The following NELL1 variants were observed in gnomAD, a reference collection of about 807,000 sequenced individuals.
NELL1 encodes the protein neural EGFL like 1.
In NELL1, 76 loss-of-function variants were observed where a neutral mutation model predicts 107.4. The observed-to-expected ratio is 0.71, with a 90% confidence interval of 0.59 to 0.86. The LOEUF is 0.86. NELL1 is among the 40% of genes least tolerant of loss of function. NELL1 has a pLI of 0.00. For synonymous variants in NELL1, 353 were observed against 341.2 expected (o/e 1.03, Z -0.38); for missense variants, 1,024 against 1,005.5 (o/e 1.02, Z -0.25).
At chr11:21,507,440 A>T (rs79670956) in intron 15 of NELL1, among the ~76,000 whole-genome samples, 26,863 of 152,180 alleles carry the variant, frequency 0.18, 2,457 homozygotes, top group East Asian at 0.28. Flanking sequence ...TCATTTAAAG[A>T]CTTTAAATAA....
chr11:21,241,904 A>ATTTTT (rs10652603), intron 14 of NELL1, among the ~76,000 whole-genome samples: 31 of 134,158 alleles, frequency 2.3e-4, no homozygotes, highest in African/African-American at 7.2e-4. Context: ...GTCTGTTTCT[A>ATTTTT]TTTTTTTTTT....
At chr11:20,906,241 C>A (rs1849994852) in intron 5 of NELL1, among the ~76,000 whole-genome samples, 1 of 151,964 alleles carries the variant, frequency 6.6e-6, no homozygotes, top group Non-Finnish European at 1.5e-5. Context: ...ATGAAATGGA[C>A]AAATTCCTAG....
chr11:21,531,871 G>C (rs969345993), intron 15 of NELL1, among the ~76,000 whole-genome samples: 4 of 152,118 alleles, frequency 2.6e-5, no homozygotes, highest in African/African-American at 9.7e-5. Flanking sequence ...ATTCCCCAAA[G>C]TGTTGCTGAA....
intron 14 of NELL1, among the ~76,000 whole-genome samples, chr11:21,363,013 C>T (rs1851121013): frequency 6.6e-6 from 1 of 151,450 alleles, no homozygotes; most frequent in South Asian, 2.1e-4. Flanking sequence ...ACCAGTCTCA[C>T]TCCCGCAGTG....
At chr11:21,184,742 AACG>A (rs1856897141) in intron 13 of NELL1, among the ~76,000 whole-genome samples, 1 of 136,822 alleles carries the variant, frequency 7.3e-6, no homozygotes, top group African/African-American at 2.7e-5. Context: ...CTCTGTTTTT[AACG>A]AGGAGTTTTG....
At chr11:20,764,641 G>T (rs1437562297) in intron 2 of NELL1, among the ~76,000 whole-genome samples, 11 of 150,150 alleles carry the variant, frequency 7.3e-5, no homozygotes, top group African/African-American at 2.5e-4. Flanking sequence ...CTCTCAGGGT[G>T]CAGACTGAAA....
intron 14 of NELL1, among the ~76,000 whole-genome samples, chr11:21,285,681 C>CCA (rs1484529593): frequency 6.6e-6 from 1 of 152,140 alleles, no homozygotes. Flanking sequence ...GGCACTAGAC[C>CCA]CACAACATTT....
chr11:21,441,844 T>C (rs1853293765), intron 15 of NELL1, among the ~76,000 whole-genome samples: 1 of 152,224 alleles, frequency 6.6e-6, no homozygotes, highest in Non-Finnish European at 1.5e-5. Context: ...ACCTTGTTTC[T>C]TTCATGGATA....
intron 15 of NELL1, among the ~76,000 whole-genome samples, chr11:21,406,428 T>A (rs1356809281): frequency 1.3e-5 from 2 of 152,008 alleles, no homozygotes; most frequent in East Asian, 3.9e-4. Flanking sequence ...AAGAAGTAGA[T>A]TACTGAATGA....
At chr11:21,325,916 C>T (rs750718096) in intron 14 of NELL1, among the ~76,000 whole-genome samples, 14 of 151,666 alleles carry the variant, frequency 9.2e-5, no homozygotes, top group Non-Finnish European at 1.6e-4. Context: ...TTCTTTCATC[C>T]AGTATGTTTT....
At chr11:20,702,294 G>A (rs2133882899) in intron 2 of NELL1, among the ~76,000 whole-genome samples, 1 of 152,288 alleles carries the variant, frequency 6.6e-6, no homozygotes, top group East Asian at 1.9e-4. Flanking sequence ...GTTCACTCAT[G>A]ATTTGGCTCT....
intron 13 of NELL1, among the ~76,000 whole-genome samples, chr11:21,155,105 G>A (rs1266574921): frequency 6.6e-6 from 1 of 152,164 alleles, no homozygotes; most frequent in Non-Finnish European, 1.5e-5. Context: ...GCAGTTCCTA[G>A]AGATTGTTGG....
intron 14 of NELL1, among the ~76,000 whole-genome samples, chr11:21,325,651 G>T (rs530597834): frequency 1.3e-5 from 2 of 151,974 alleles, no homozygotes; most frequent in African/African-American, 4.8e-5. Flanking sequence ...ATTGCATACA[G>T]TGAAATACGT....
chr11:21,447,967 A>G (rs1438099732), intron 15 of NELL1, among the ~76,000 whole-genome samples: 2 of 152,168 alleles, frequency 1.3e-5, no homozygotes, highest in African/African-American at 2.4e-5. Context: ...CATGGGTGCC[A>G]TCTGAGTTCT....
intron 3 of NELL1, among the ~76,000 whole-genome samples, chr11:20,818,299 C>A (rs1296619379): frequency 6.6e-6 from 1 of 151,630 alleles, no homozygotes; most frequent in African/African-American, 2.4e-5. Context: ...ATAAGTAAGT[C>A]TTCCTGTTGA....
intron 14 of NELL1, among the ~76,000 whole-genome samples, chr11:21,333,953 T>C (rs1001640791): frequency 6.6e-6 from 1 of 152,232 alleles, no homozygotes; most frequent in African/African-American, 2.4e-5. Flanking sequence ...AGGTCCCTTC[T>C]TCTTTAATGT....
At chr11:20,691,908 G>C (rs372360822) in intron 2 of NELL1, among the ~76,000 whole-genome samples, 1 of 151,950 alleles carries the variant, frequency 6.6e-6, no homozygotes, top group Non-Finnish European at 1.5e-5. Flanking sequence ...TGAATCCATC[G>C]GGTCCTGGAC....
chr11:21,121,030 TTGGAATC>T (rs1352415720), intron 13 of NELL1, among the ~76,000 whole-genome samples: 1 of 152,172 alleles, frequency 6.6e-6, no homozygotes, highest in Non-Finnish European at 1.5e-5. Context: ...GTTGAATCAC[TTGGAATC>T]TGGGATCTAT....
intron 12 of NELL1, among the ~76,000 whole-genome samples, chr11:21,096,877 A>C (rs2133697787): frequency 6.6e-6 from 1 of 151,886 alleles, no homozygotes. Context: ...CACCTGGCTA[A>C]GTTTTTGTAT....
Sources: gnomAD v4.1 joint callset for allele counts (sites outside exome capture counted in the v4.1 genomes callset) on GRCh38, gnomAD v4.1.1 for gene constraint, MANE v1.5 for transcripts, NCBI Gene and HGNC (gene_info 2026-07-23, HGNC 2026-07-21) for gene names.